DOCK2: variants seen among roughly 807,000 people sequenced by gnomAD.
DOCK2 encodes dedicator of cytokinesis protein 2.
In DOCK2, 87 loss-of-function variants were observed where a neutral mutation model predicts 248.9. That is an observed-to-expected ratio of 0.35 (90% CI 0.29 to 0.42). The LOEUF (loss-of-function observed/expected upper bound fraction) is 0.42. DOCK2 is among the 10% of genes least tolerant of loss of function. The pLI is 1.00. For missense variants in DOCK2, 1,747 were observed against 2,300.2 expected, an observed-to-expected ratio of 0.76 and a Z score of 4.92; for synonymous variants, 805 against 821.6, an observed-to-expected ratio of 0.98 and a Z score of 0.35.
intron 49 of DOCK2, 127 bp from the exon 50 acceptor site, chr5:170,080,036 G>A: frequency 6.7e-7 from 1 of 1,486,614 alleles, no homozygotes; most frequent in East Asian, 2.3e-5. Context: ...CAGAATAAAT[G>A]AACTTGGAGC....
At chr5:169,662,075 C>T (rs1758476787) in intron 2 of DOCK2, among the ~76,000 whole-genome samples, 3 of 152,194 alleles carry the variant, frequency 2.0e-5, no homozygotes, top group Admixed American at 2.0e-4. Context: ...TACATTCTCA[C>T]CAACAGTGTA....
chr5:170,078,641 A>T (rs895697191), intron 48 of DOCK2, among the ~76,000 whole-genome samples: 7 of 152,258 alleles, frequency 4.6e-5, no homozygotes, highest in African/African-American at 1.7e-4. Flanking sequence ...AAAGTTATTC[A>T]TTCAGCTAAG....
chr5:169,670,687 G>A (rs527860044), intron 4 of DOCK2, 90 bp downstream of exon 4: 2 of 1,494,146 alleles, frequency 1.3e-6, no homozygotes, highest in South Asian at 1.2e-5. Flanking sequence ...TGGAAGAGCT[G>A]AGGGTTGCTC....
At chr5:169,670,394 A>G (rs955165260) in intron 3 of DOCK2, 148 bp from the exon 4 acceptor site, 35 of 880,074 alleles carry the variant, frequency 4.0e-5, no homozygotes, top group African/African-American at 3.3e-4. Context: ...CCCCTGTTCT[A>G]TCTGGCTCTG....
intron 27 of DOCK2, among the ~76,000 whole-genome samples, chr5:169,971,472 C>G (rs1408935468): frequency 2.1e-5 from 3 of 145,500 alleles, no homozygotes; most frequent in Admixed American, 1.4e-4. Context: ...AAGGAATGCT[C>G]TATCCAAAAG....
At chr5:170,000,019 C>G (rs1464184047) in intron 30 of DOCK2, 1 of 152,226 alleles carries the variant, frequency 6.6e-6, no homozygotes, top group South Asian at 2.1e-4. Context: ...GCTAAGATCA[C>G]TTGCATTCCA....
chr5:169,859,892 T>A (rs1434933978), intron 27 of DOCK2, among the ~76,000 whole-genome samples: 1 of 152,100 alleles, frequency 6.6e-6, no homozygotes, highest in Non-Finnish European at 1.5e-5. Context: ...TGTGCCCATG[T>A]GCTCTTTTGA....
intron 27 of DOCK2, among the ~76,000 whole-genome samples, chr5:169,852,284 C>G (rs1770658848): frequency 6.6e-6 from 1 of 152,132 alleles, no homozygotes; most frequent in Admixed American, 6.5e-5. Flanking sequence ...AGGTAAGACT[C>G]CACTGTATCT....
At position 169,823,896 on chromosome 5, in the gene DOCK2, T is replaced by C. The variant is rs545372454; in HGVS notation, c.2704-16861T>C. Among the ~76,000 whole-genome samples, 204 of 152,302 alleles carry C rather than the reference T, an allele frequency of 1.3e-3. 1 individual carries two copies. The highest frequency in any genetic ancestry group is 4.7e-3 in the African/African-American group (197 of 41,576). ...CCCATTGTCTCAGCCCAAAATCTCC[T>C]TAAGCTGATAAACAACTTCAGCAAA... On this transcript the variant is annotated intron_variant, in intron 26 of 51. Coordinates refer to ENST00000520908, the MANE Select transcript of DOCK2 (RefSeq NM_004946.3).
intron 41 of DOCK2, 82 bp downstream of exon 41, chr5:170,050,479 A>C: frequency 1.3e-6 from 2 of 1,495,138 alleles, no homozygotes; most frequent in Admixed American, 4.7e-5. Context: ...CCCACCTTAG[A>C]GCTCAGGGCT....
chr5:169,969,374 G>A (rs1777417854), intron 27 of DOCK2, among the ~76,000 whole-genome samples: 1 of 151,806 alleles, frequency 6.6e-6, no homozygotes, highest in Non-Finnish European at 1.5e-5. Flanking sequence ...GAACTTGGGA[G>A]GTGGAAGTTG....
intron 51 of DOCK2, 106 bp from the exon 52 acceptor site, chr5:170,082,690 G>A (rs886818027): frequency 2.9e-6 from 4 of 1,391,926 alleles, no homozygotes; most frequent in Admixed American, 1.9e-5. Context: ...TGGGCTTTGG[G>A]CAGGGGTCAG....
intron 46 of DOCK2, among the ~76,000 whole-genome samples, chr5:170,071,122 G>T (rs7737868): frequency 0.1 from 15,722 of 152,176 alleles, 1,613 homozygotes; most frequent in African/African-American, 0.27. Flanking sequence ...CTAACTATGG[G>T]CACCCGCATG....
intron 30 of DOCK2, among the ~76,000 whole-genome samples, chr5:169,998,592 A>AT (rs1168236055): frequency 4.6e-5 from 7 of 152,226 alleles, no homozygotes; most frequent in Non-Finnish European, 1.0e-4. Flanking sequence ...TATTACTAAT[A>AT]TTTTTTCTGC....
chr5:170,082,484 G>A (rs1355511722), intron 51 of DOCK2, among the ~76,000 whole-genome samples: 7 of 152,138 alleles, frequency 4.6e-5, no homozygotes, highest in East Asian at 1.9e-4. Flanking sequence ...ATGAGCACAC[G>A]ATGAGTCAGG....
At chr5:169,697,410 C>T (rs1196571961) in intron 10 of DOCK2, among the ~76,000 whole-genome samples, 1 of 152,196 alleles carries the variant, frequency 6.6e-6, no homozygotes, top group African/African-American at 2.4e-5. Context: ...GAATGTACCT[C>T]TTTCCCATTA....
intron 30 of DOCK2, among the ~76,000 whole-genome samples, chr5:170,000,866 G>GT (rs1754808966): frequency 6.6e-6 from 1 of 152,192 alleles, no homozygotes; most frequent in Admixed American, 6.5e-5. Flanking sequence ...CTAGCCATTA[G>GT]TAGAGGCATG....
At chr5:169,893,102 G>GT (rs1773390782) in intron 27 of DOCK2, among the ~76,000 whole-genome samples, 1 of 152,090 alleles carries the variant, frequency 6.6e-6, no homozygotes, top group South Asian at 2.1e-4. Flanking sequence ...TTTAGGGTCA[G>GT]TGATTCATTC....
At chr5:169,824,679 A>T (rs1385572101) in intron 26 of DOCK2, among the ~76,000 whole-genome samples, 1 of 152,208 alleles carries the variant, frequency 6.6e-6, no homozygotes, top group East Asian at 1.9e-4. Flanking sequence ...CCTAGAAGAA[A>T]ACCTAGGCAA....
Sources: gnomAD v4.1 joint callset for allele counts (sites outside exome capture counted in the v4.1 genomes callset) on GRCh38, gnomAD v4.1.1 for gene constraint, MANE v1.5 for transcripts, NCBI Gene and HGNC (gene_info 2026-07-23, HGNC 2026-07-21) for gene names.